Variants in DNAAF1 observed in about 807,000 individuals in gnomAD.
The protein encoded by DNAAF1 is dynein axonemal assembly factor 1, also known as dynein assembly factor 1, axonemal.
In DNAAF1, 65 loss-of-function variants were observed where a neutral mutation model predicts 71.1. That is an observed-to-expected ratio of 0.91 (90% CI 0.75 to 1.12). The LOEUF (loss-of-function observed/expected upper bound fraction) is 1.12, where lower values mean the gene tolerates loss of function less well. Among genes scored for constraint, DNAAF1 ranks in the 50% most tolerant of loss-of-function variants. The probability of loss-of-function intolerance (pLI) is 0.00; values close to 1 mark genes in which losing one functional copy is unlikely to be tolerated. For missense variants in DNAAF1, 1,178 were observed against 899.8 expected (o/e 1.31, Z -3.96); for synonymous variants, 414 against 354.6 (o/e 1.17, Z -1.88).
chr16:84,146,820 T>TAAAACA (rs2086935944), intron 1 of DNAAF1, among the ~76,000 whole-genome samples: 1 of 152,184 alleles, frequency 6.6e-6, no homozygotes, highest in Non-Finnish European at 1.5e-5. Flanking sequence ...AAGGAAACCT[T>TAAAACA]TTAGTGATTA....
Position 84,163,316 on chromosome 16 carries a change from A to G in DNAAF1, c.864-2467A>G, listed in dbSNP as rs557833259. 2.0e-5 allele frequency among the ~76,000 whole-genome samples: 3 copies of G among 151,406 alleles called. No homozygotes were observed. The East Asian group carries it at 5.8e-4, about 29-fold the overall frequency. On this transcript the variant is annotated intron_variant, in intron 6 of 11. Transcript: ENST00000378553. ...CCCATCAGCAGTGTAGGAAGGTTCCAATTTTCCCGTATCCTCACCAACACT... is the reference window on the plus strand; with the variant it reads ...CCCATCAGCAGTGTAGGAAGGTTCCGATTTTCCCGTATCCTCACCAACACT...
At chr16:84,164,300 C>T (rs1017834498) in intron 6 of DNAAF1, among the ~76,000 whole-genome samples, 1 of 152,204 alleles carries the variant, frequency 6.6e-6, no homozygotes, top group Non-Finnish European at 1.5e-5. Flanking sequence ...TTAGGGCTCA[C>T]ACTTGGTGTT....
At chr16:84,148,106 G>A (rs1354881023) in intron 1 of DNAAF1, among the ~76,000 whole-genome samples, 1 of 151,938 alleles carries the variant, frequency 6.6e-6, no homozygotes, top group African/African-American at 2.4e-5. Flanking sequence ...TAGAGTTGGT[G>A]TTCCTTTTCT....
At chr16:84,152,213 G>C (rs193008853) in intron 3 of DNAAF1, among the ~76,000 whole-genome samples, 1 of 152,192 alleles carries the variant, frequency 6.6e-6, no homozygotes, top group Admixed American at 6.5e-5. Context: ...GAACAGCAAA[G>C]GGGGAGGAGA....
intron 8 of DNAAF1, among the ~76,000 whole-genome samples, chr16:84,171,499 G>A (rs1676730677): frequency 1.3e-5 from 2 of 152,188 alleles, no homozygotes; most frequent in South Asian, 4.1e-4. Flanking sequence ...GGGCCTGGAT[G>A]AGGAAGGGGC....
In DNAAF1 at chr16:84,149,140, C is replaced by T; in HGVS notation, c.258C>T (p.Pro86=). 2 of 1,613,968 alleles carry T rather than the reference C, an allele frequency of 1.2e-6. No homozygotes were observed. Among genetic ancestry groups the T allele is most frequent in the Non-Finnish European group, 1.7e-6 (2 of 1,179,998 alleles). ...HPREDREDRG[P]RMTKSSLQKL... ...GAGAAGACAGGGAAGATCGGGGCCC[C>T]AGGTATGTGGGCATACTCCTAATTA... is the stretch of plus-strand genomic sequence containing the variant. The change falls in exon 2 of 12, where the codon CCC becomes CCT. Residue 86 remains proline (P), a splice_region_variant and synonymous_variant. Coordinates refer to ENST00000378553, the MANE Select transcript of DNAAF1 (RefSeq NM_178452.6).
intron 9 of DNAAF1, chr16:84,172,586 G>A: frequency 7.2e-7 from 1 of 1,389,516 alleles, no homozygotes; most frequent in Non-Finnish European, 9.4e-7. Context: ...ACTGCCCTAG[G>A]TGATTCGTGC....
rs147958700 is a variant in DNAAF1, at chr16:84,164,752, TAA to T, written c.864-1030_864-1029del. ...CCATGTGCAGGTTTGCGTGTGGACATAAGTCTTCAACTCATTTGAGTAAATAC... is the reference window on the plus strand; with the variant it reads ...CCATGTGCAGGTTTGCGTGTGGACATGTCTTCAACTCATTTGAGTAAATAC... On this transcript the variant is annotated intron_variant, in intron 6 of 11. Coordinates refer to ENST00000378553, the MANE Select transcript of DNAAF1 (RefSeq NM_178452.6). Among the ~76,000 whole-genome samples, 174 of 152,370 alleles carry T rather than the reference TAA, an allele frequency of 1.1e-3. 2 individuals are homozygous for T. Among genetic ancestry groups the T allele is most frequent in the African/African-American group, 3.9e-3 (161 of 41,596 alleles).
At chr16:84,146,857 C>G (rs181442042) in intron 1 of DNAAF1, among the ~76,000 whole-genome samples, 10 of 152,314 alleles carry the variant, frequency 6.6e-5, no homozygotes, top group Admixed American at 6.5e-4. Context: ...GATTTGTGTT[C>G]CAGTTTCTGA....
Position 84,170,137 on chromosome 16 carries a change from G to A in DNAAF1, c.1309G>A (p.Glu437Lys), listed in dbSNP as rs762097297. ...GGTTAAAGGAGAGGACGGAGATGGA[G>A]AGCCAGAGGGGACCCTCCCAGCTGA... The part of the protein sequence containing the change: ...VEVKGEDGDG[E>K]PEGTLPAEAP... Residue 437 changes from glutamate to lysine, a missense_variant, in exon 8 of 12, where the codon GAG (glutamate) becomes AAG (lysine). Glu to Lys is a moderately conservative substitution (Grantham distance 56). Transcript: ENST00000378553. The A allele has an allele frequency of 6.3e-7, 1 of 1,586,038 alleles. No homozygotes were observed. Among genetic ancestry groups the A allele is most frequent in the Non-Finnish European group, 8.6e-7 (1 of 1,162,432 alleles).
chr16:84,149,040 C>T lies in DNAAF1; in HGVS notation c.158C>T (p.Ser53Phe), dbSNP rs374229399. The T allele has an allele frequency of 2.5e-6, 4 of 1,613,926 alleles. No homozygotes were observed. In the African/African-American group the frequency reaches 5.3e-5, roughly 22 times the overall value. ...GATCCTAAGGAAATATGTGTGGGTT[C>T]TTCTGACACATCCTACCACAGCCAG... ...INDPKEICVG[S>F]SDTSYHSQQK... Residue 53 changes from serine (S) to phenylalanine (F), a missense_variant, in exon 2 of 12, where the codon TCT becomes TTT. Coordinates refer to ENST00000378553, the MANE Select transcript of DNAAF1 (RefSeq NM_178452.6).
At chr16:84,156,847 C>CTT (rs2087454463) in intron 5 of DNAAF1, among the ~76,000 whole-genome samples, 2 of 130,486 alleles carry the variant, frequency 1.5e-5, no homozygotes, top group African/African-American at 6.1e-5. Context: ...TTCTTTCTTT[C>CTT]TTTCTTTTTT....
intron 9 of DNAAF1, chr16:84,174,230 C>T: frequency 9.5e-7 from 1 of 1,049,140 alleles, no homozygotes; most frequent in Non-Finnish European, 1.2e-6. Flanking sequence ...GACAAAGATA[C>T]CGAACAAACA....
chr16:84,149,850 C>A (rs1399481012), intron 2 of DNAAF1, among the ~76,000 whole-genome samples: 2 of 135,480 alleles, frequency 1.5e-5, no homozygotes, highest in Non-Finnish European at 3.4e-5. Context: ...CATGGTGAAA[C>A]CCCCCCTCTA....
intron 5 of DNAAF1, chr16:84,158,755 A>T (rs1432789850): frequency 2.6e-5 from 4 of 152,002 alleles, no homozygotes; most frequent in Admixed American, 2.0e-4. Context: ...TCTGAGATGG[A>T]GTCTCGCTTA....
intron 11 of DNAAF1, chr16:84,176,545 G>C (rs2088674715): frequency 1.7e-6 from 1 of 578,658 alleles, no homozygotes; most frequent in Non-Finnish European, 3.1e-6. Context: ...AGCCGAGTCT[G>C]ACTGTGTGTG....
intron 5 of DNAAF1, among the ~76,000 whole-genome samples, chr16:84,157,927 G>C (rs868721417): frequency 6.6e-6 from 1 of 152,172 alleles, no homozygotes; most frequent in Non-Finnish European, 1.5e-5. Flanking sequence ...TTTTCTCGTG[G>C]CCAGGCACAG....
chr16:84,177,202 CACAGA>C (rs2095205801), intron 11 of DNAAF1: 2 of 199,166 alleles, frequency 1.0e-5, no homozygotes, highest in African/African-American at 4.6e-5. Context: ...TAGGAACCAG[CACAGA>C]AAAGTGCAGT....
At chr16:84,149,308 A>C (rs565729604) in intron 2 of DNAAF1, among the ~76,000 whole-genome samples, 166 bp downstream of exon 2, 2 of 152,194 alleles carry the variant, frequency 1.3e-5, no homozygotes, top group Admixed American at 6.6e-5. Context: ...AGCTGAGCGC[A>C]CATTCTATTA....
Sources: gnomAD v4.1 joint callset for allele counts (sites outside exome capture counted in the v4.1 genomes callset) on GRCh38, gnomAD v4.1.1 for gene constraint, MANE v1.5 for transcripts, NCBI Gene and HGNC (gene_info 2026-07-23, HGNC 2026-07-21) for gene names.